ZFAT: variants seen among roughly 807,000 people sequenced by gnomAD.
The protein encoded by ZFAT is zinc finger protein ZFAT.
A neutral mutation model predicts 117.7 loss-of-function variants in ZFAT; 64 were observed. The observed-to-expected ratio is 0.54, with a 90% CI of 0.44 to 0.67. The LOEUF is 0.67. ZFAT is among the 30% of genes least tolerant of loss of function. The pLI is 0.00. For synonymous variants in ZFAT, 679 were observed against 615.0 expected (o/e 1.10, Z -1.54); for missense variants, 1,433 against 1,584.5 (o/e 0.90, Z 1.62).
the ZFAT span, among the ~76,000 whole-genome samples, chr8:134,799,506 C>T: frequency 6.6e-6 from 1 of 152,060 alleles, no homozygotes; most frequent in African/African-American, 2.4e-5. Context: ...ACGTTTAGAC[C>T]AATCAGTACA....
chr8:134,827,680 A>AT, the ZFAT span, among the ~76,000 whole-genome samples: 1 of 151,128 alleles, frequency 6.6e-6, no homozygotes, highest in Non-Finnish European at 1.5e-5. Flanking sequence ...AGGCAGGAGA[A>AT]TTGCTTGAAC....
chr8:134,641,998 C>T (rs1341106345), intron 2 of ZFAT, among the ~76,000 whole-genome samples: 1 of 152,084 alleles, frequency 6.6e-6, no homozygotes, highest in East Asian at 1.9e-4. Flanking sequence ...TAACGTAAGC[C>T]CTTTATTTGT....
chr8:134,599,090 T>C (rs1483371492), intron 7 of ZFAT: 1 of 152,234 alleles, frequency 6.6e-6, no homozygotes, highest in Non-Finnish European at 1.5e-5. Flanking sequence ...CCGGCCATAA[T>C]AGCGTACTGG....
At chr8:134,754,955 C>T in the ZFAT span, among the ~76,000 whole-genome samples, 58 of 152,244 alleles carry the variant, frequency 3.8e-4, no homozygotes, top group East Asian at 7.5e-3. Context: ...ATGGAGAAAG[C>T]GGGTCTCGGA....
chr8:134,528,469 G>C lies in ZFAT; in HGVS notation c.3115+4365C>G, dbSNP rs539154962. On this transcript the variant is annotated intron_variant, in intron 12 of 15. Transcript: ENST00000377838. The stretch of plus-strand genomic sequence containing the variant: ...CCTGTGGGTTACCTCACAGTTTCTG[G>C]ATTTCCTGCTATGCTATTTTCCCTG... Among the ~76,000 whole-genome samples, 19 of 152,252 alleles carry C rather than the reference G, an allele frequency of 1.2e-4. No homozygotes were observed. In the East Asian group the frequency reaches 3.7e-3, roughly 29 times the overall value.
At chr8:134,688,098 G>T (rs1563764398) in intron 1 of ZFAT, among the ~76,000 whole-genome samples, 1 of 152,126 alleles carries the variant, frequency 6.6e-6, no homozygotes, top group Non-Finnish European at 1.5e-5. Flanking sequence ...TGGGCGGTGG[G>T]GGGGATCTTG....
chr8:134,768,223 T>C, the ZFAT span, among the ~76,000 whole-genome samples: 163 of 152,344 alleles, frequency 1.1e-3, no homozygotes, highest in African/African-American at 3.7e-3. Context: ...TCTCACATCA[T>C]TTTCATTTTT....
At position 134,624,579 on chromosome 8, in the gene ZFAT, C is replaced by G. The variant is rs377011939; in HGVS notation, c.448+12882G>C. On this transcript the variant is annotated intron_variant, in intron 3 of 15. Coordinates refer to ENST00000377838, the MANE Select transcript of ZFAT (RefSeq NM_020863.4). Reference sequence around the variant, plus strand: ...AGCTGAGGCAGGAGAATCGCTTGAACCCAGGAGGTGGAGGTTGCAATGAGC... The same window carrying G: ...AGCTGAGGCAGGAGAATCGCTTGAAGCCAGGAGGTGGAGGTTGCAATGAGC... 4.0e-4 allele frequency among the ~76,000 whole-genome samples: 61 copies of G among 152,214 alleles called. No individual in the cohort carries two copies. In the East Asian group the frequency reaches 9.1e-3, roughly 23 times the overall value.
chr8:134,728,958 C>G, the ZFAT span, among the ~76,000 whole-genome samples: 3 of 151,822 alleles, frequency 2.0e-5, no homozygotes, highest in African/African-American at 7.3e-5. Flanking sequence ...AAATATATGA[C>G]TTTTTATTTT....
At chr8:134,818,773 A>C in the ZFAT span, among the ~76,000 whole-genome samples, 6 of 152,236 alleles carry the variant, frequency 3.9e-5, no homozygotes, top group Admixed American at 2.0e-4. Context: ...AATAAGAAAG[A>C]GTAACTATTG....
the ZFAT span, among the ~76,000 whole-genome samples, chr8:134,828,860 A>T: frequency 2.0e-5 from 3 of 152,232 alleles, no homozygotes; most frequent in Non-Finnish European, 4.4e-5. Flanking sequence ...ACTCAAACAG[A>T]ATTACAGCTT....
the ZFAT span, among the ~76,000 whole-genome samples, chr8:134,745,990 T>C: frequency 1.3e-5 from 2 of 152,352 alleles, no homozygotes; most frequent in Admixed American, 1.3e-4. Flanking sequence ...CCCCTTTGCC[T>C]GTGCTCTTCC....
chr8:134,563,096 A>G (rs559798611), intron 11 of ZFAT, among the ~76,000 whole-genome samples: 62 of 152,356 alleles, frequency 4.1e-4, no homozygotes, highest in African/African-American at 1.3e-3. Context: ...AAGTACACCT[A>G]TATGCTGTGA....
At chr8:134,612,290 T>C (rs759519710) in intron 3 of ZFAT, among the ~76,000 whole-genome samples, 13 of 152,128 alleles carry the variant, frequency 8.5e-5, no homozygotes, top group African/African-American at 1.2e-4. Context: ...GGTCGGGTCA[T>C]AGGGAGGTGA....
chr8:134,610,987 G>T (rs766354633), intron 3 of ZFAT, among the ~76,000 whole-genome samples: 9 of 152,222 alleles, frequency 5.9e-5, no homozygotes, highest in Non-Finnish European at 1.3e-4. Context: ...AGAAGATAAG[G>T]TCTCCAAGAT....
Position 134,607,820 on chromosome 8 carries a change from T to C in ZFAT, c.785+909A>G, listed in dbSNP as rs549782379. Among the ~76,000 whole-genome samples, 252 of 152,352 alleles carry C rather than the reference T, an allele frequency of 1.7e-3. 1 individual carries two copies. Among genetic ancestry groups the C allele is most frequent in the African/African-American group, 5.7e-3 (237 of 41,582 alleles). On this transcript the variant is annotated intron_variant, in intron 5 of 15. Coordinates refer to ENST00000377838, the MANE Select transcript of ZFAT (RefSeq NM_020863.4). ...TTAACTGACTTCAGCAGGTACAGGC[T>C]AAAGACAGACAATTTGGGGAGACTG... is the stretch of plus-strand genomic sequence containing the variant.
At chr8:134,524,014 C>T (rs1406070861) in intron 12 of ZFAT, among the ~76,000 whole-genome samples, 2 of 152,230 alleles carry the variant, frequency 1.3e-5, no homozygotes, top group East Asian at 1.9e-4. Flanking sequence ...GCATCATCCA[C>T]TTATTCTCTG....
At chr8:134,508,677 G>A (rs903887394) in intron 15 of ZFAT, among the ~76,000 whole-genome samples, 2 of 151,950 alleles carry the variant, frequency 1.3e-5, no homozygotes, top group African/African-American at 2.4e-5. Flanking sequence ...TGGTTTATTC[G>A]AGCTTTATCC....
At chr8:134,482,290 G>A (rs1817370713) in intron 15 of ZFAT, among the ~76,000 whole-genome samples, 1 of 152,330 alleles carries the variant, frequency 6.6e-6, no homozygotes, top group Non-Finnish European at 1.5e-5. Flanking sequence ...AACAGTGCAT[G>A]AACAGGGCTG....
Sources: allele counts gnomAD v4.1 joint callset (sites outside exome capture counted in the v4.1 genomes callset), GRCh38; gene constraint gnomAD v4.1.1; transcripts MANE v1.5; gene names NCBI Gene and HGNC (gene_info 2026-07-23, HGNC 2026-07-21).